The following FGFR2 variants were observed in gnomAD, a reference collection of about 807,000 sequenced individuals.
FGFR2 encodes the protein BEK fibroblast growth factor receptor.
FGFR2 carries 19 observed loss-of-function variants against 95.9 expected under a neutral mutation model. That is an observed-to-expected ratio of 0.20 (90% confidence interval 0.14 to 0.29). FGFR2 has a LOEUF of 0.29. FGFR2 is among the 10% of genes least tolerant of loss of function. The pLI, the probability that FGFR2 is intolerant of heterozygous loss-of-function variation, is 1.00. For missense variants in FGFR2, 707 were observed against 1,056.9 expected, an observed-to-expected ratio of 0.67 and a Z score of 4.59; for synonymous variants, 392 against 393.3, an observed-to-expected ratio of 1.00 and a Z score of 0.04.
At position 121,503,916 on chromosome 10, in the gene FGFR2, A is replaced by G. The variant is rs1346945144; in HGVS notation, c.1313T>C (p.Met438Thr). Residue 438 changes from methionine to threonine, a missense_variant, in exon 10 of 18, where the codon ATG becomes ACG. Transcript: ENST00000358487. ...VTVSAESSSS[M>T]NSNTPLVRIT... is the part of the protein sequence containing the mutation. ...CCTCACCAGCGGGGTGTTGGAGTTC[A>G]TGGAGGAGCTGGACTCAGCCGAAAC... The G allele has an allele frequency of 8.1e-6, 13 of 1,614,002 alleles. No homozygotes were observed. The highest frequency in any genetic ancestry group is 1.1e-5 in the Non-Finnish European group (13 of 1,180,012).
intron 17 of FGFR2, chr10:121,480,459 A>G (rs1844533795): frequency 3.5e-6 from 1 of 281,722 alleles, no homozygotes; most frequent in African/African-American, 2.1e-5. Flanking sequence ...CAGCAAAATG[A>G]AAACCGGTAA....
chr10:121,520,625 G>A (rs1388590446), intron 6 of FGFR2, among the ~76,000 whole-genome samples: 1 of 152,232 alleles, frequency 6.6e-6, no homozygotes, highest in African/African-American at 2.4e-5. Context: ...GGTTTCAATA[G>A]GCACATGTCT....
chr10:121,565,286 G>T lies in FGFR2; in HGVS notation c.376+152C>A. ...ATCATTCTTAATGATCGGCCTTTCT[G>T]GTGCACCAGGTCCCAAAGAAGAATT... is the stretch of plus-strand genomic sequence containing the variant. On this transcript the variant is annotated intron_variant, in intron 3 of 17. Transcript: ENST00000358487. The T allele has an allele frequency of 1.2e-5, 11 of 903,902 alleles. No individual in the cohort carries two copies. In the South Asian group the frequency reaches 1.3e-4, roughly 11 times the overall value. 56.0% of individuals were successfully genotyped at this position (903,902 alleles called of 1,614,324 possible). A position where few individuals can be genotyped will look rare whatever the true frequency, so the allele number is the denominator to read the frequency against.
In FGFR2 at chr10:121,531,938, A is replaced by C. The variant is rs550403359; in HGVS notation, c.748+6654T>G. Among the ~76,000 whole-genome samples, 1 of 152,296 alleles carries C rather than the reference A, an allele frequency of 6.6e-6. No individual in the cohort carries two copies. The highest frequency in any genetic ancestry group is 2.1e-4 in the South Asian group (1 of 4,824). ...TCCGCTCCGGTTCCGTGATCTGTCA[A>C]CTAAATAAGCCCACTTAGAAAGGCT... is the stretch of plus-strand genomic sequence containing the variant. On this transcript the variant is annotated intron_variant, in intron 6 of 17. Transcript: ENST00000358487. This position sits in a 1 kb window ranked among gnomAD's most constrained non-coding sequence, Gnocchi z 4.5.
chr10:121,496,474 T>C (rs1254408105), intron 13 of FGFR2, 58 bp downstream of exon 13: 3 of 1,567,668 alleles, frequency 1.9e-6, no homozygotes, highest in Non-Finnish European at 1.8e-6. Flanking sequence ...TTGCCTGTTT[T>C]CTTTAAAGAC....
chr10:121,568,501 T>C (rs1425230444), intron 2 of FGFR2, among the ~76,000 whole-genome samples: 4 of 151,994 alleles, frequency 2.6e-5, no homozygotes, highest in African/African-American at 9.7e-5. Flanking sequence ...CAGCAAAGCT[T>C]CCCTCCCTCA....
intron 2 of FGFR2, among the ~76,000 whole-genome samples, chr10:121,588,362 A>C (rs766213384): frequency 1.3e-5 from 2 of 151,390 alleles, no homozygotes; most frequent in Non-Finnish European, 2.9e-5. Flanking sequence ...GTTTACCTAC[A>C]TAACAAACCT....
At position 121,485,560 on chromosome 10, in the gene FGFR2, T is replaced by C. The variant is rs555984987; in HGVS notation, c.2058-28A>G. ...GCAACAAAAGGAGAAAGCACGGCATTACTAACCCATCCACGTTGCCAAAAC... is the reference window on the plus strand; with the variant it reads ...GCAACAAAAGGAGAAAGCACGGCATCACTAACCCATCCACGTTGCCAAAAC... On this transcript the variant is annotated intron_variant, in intron 15 of 17. Transcript: ENST00000358487. The surrounding 1 kb of genome is among the most constrained non-coding windows in gnomAD (Gnocchi z 4.2). 7.4e-6 allele frequency: 12 copies of C among 1,614,024 alleles called. No homozygotes were observed. The East Asian group carries it at 2.2e-4, about 30-fold the overall frequency.
chr10:121,580,471 ATC>A (rs55759704), intron 2 of FGFR2, among the ~76,000 whole-genome samples: 152,147 of 152,266 alleles, frequency 1, 76,014 homozygotes, highest in Middle Eastern at 1. Flanking sequence ...CCTGGCCAGC[ATC>A]TCGAAACCCG....
chr10:121,596,337 G>A, intron 1 of FGFR2: 1 of 198,174 alleles, frequency 5.0e-6, no homozygotes. Context: ...CCCATGCCAG[G>A]CCTGTGCTGG....
intron 5 of FGFR2, among the ~76,000 whole-genome samples, chr10:121,541,369 C>T (rs1451370426): frequency 1.3e-5 from 2 of 152,176 alleles, no homozygotes; most frequent in East Asian, 1.9e-4. Flanking sequence ...GATATCCTAC[C>T]ATTGATTAGT....
intron 6 of FGFR2, chr10:121,526,208 G>C (rs907924764): frequency 1.8e-5 from 7 of 398,502 alleles, no homozygotes; most frequent in Non-Finnish European, 3.1e-5. Flanking sequence ...AAAAGGGAAA[G>C]AACATTCTGC....
In FGFR2 at chr10:121,518,151, A is replaced by T; in HGVS notation, c.940-688T>A. 3.3e-6 allele frequency: 1 copy of T among 303,806 alleles called. No homozygotes were observed. The highest frequency in any genetic ancestry group is 6.5e-6 in the Non-Finnish European group (1 of 154,564). 18.8% of individuals were successfully genotyped at this position (303,806 alleles called of 1,614,324 possible). On this transcript the variant is annotated intron_variant, in intron 7 of 17. Coordinates refer to ENST00000358487, the MANE Select transcript of FGFR2 (RefSeq NM_000141.5). This position sits in a 1 kb window ranked among gnomAD's most constrained non-coding sequence, Gnocchi z 4.0. ...CAACCTTTTGCCTTTAGTAGCGTCCAGTAGTACATTCATTAAGATGAGCTC... is the reference window on the plus strand; with the variant it reads ...CAACCTTTTGCCTTTAGTAGCGTCCTGTAGTACATTCATTAAGATGAGCTC...
At chr10:121,486,374 C>T (rs1343745503) in intron 15 of FGFR2, among the ~76,000 whole-genome samples, 1 of 152,090 alleles carries the variant, frequency 6.6e-6, no homozygotes, top group African/African-American at 2.4e-5. Flanking sequence ...GTTGAGAGGA[C>T]CAACTATGGT....
At chr10:121,489,294 G>A (rs1405586544) in intron 13 of FGFR2, among the ~76,000 whole-genome samples, 4 of 151,920 alleles carry the variant, frequency 2.6e-5, no homozygotes, top group South Asian at 2.1e-4. Context: ...GGCTGGTCTC[G>A]AACTCCTGAC....
chr10:121,554,592 G>A (rs945264335), intron 4 of FGFR2, among the ~76,000 whole-genome samples: 3 of 150,244 alleles, frequency 2.0e-5, no homozygotes, highest in Non-Finnish European at 3.0e-5. Context: ...AGGATGGTCT[G>A]GATCTCCTGA....
intron 2 of FGFR2, among the ~76,000 whole-genome samples, chr10:121,593,202 A>G (rs886234864): frequency 5.3e-5 from 8 of 152,204 alleles, no homozygotes; most frequent in Non-Finnish European, 1.2e-4. Flanking sequence ...ATGGCTAAAA[A>G]AAAATTCTGA....
chr10:121,594,358 G>C (rs1333940143), intron 1 of FGFR2, among the ~76,000 whole-genome samples: 3 of 152,172 alleles, frequency 2.0e-5, no homozygotes, highest in Admixed American at 1.3e-4. Context: ...AAATGCTCGG[G>C]TTGGCATAAC....
At chr10:121,594,140 C>T (rs188545969) in intron 1 of FGFR2, 173 bp from the exon 2 acceptor site, 34 of 498,698 alleles carry the variant, frequency 6.8e-5, no homozygotes, top group East Asian at 6.9e-5. Context: ...ACCACCAGAC[C>T]GGTCCACAGA....
Sources: gnomAD v4.1 joint callset for allele counts (sites outside exome capture counted in the v4.1 genomes callset) on GRCh38, gnomAD v4.1.1 for gene constraint, Gnocchi (gnomAD v3.1) non-coding constraint, MANE v1.5 for transcripts, NCBI Gene and HGNC (gene_info 2026-07-23, HGNC 2026-07-21) for gene names.